The following ARHGEF3 variants were observed in gnomAD, a reference collection of about 807,000 sequenced individuals.
ARHGEF3 encodes the protein 59.8 kDA protein.
A neutral mutation model predicts 63.2 loss-of-function variants in ARHGEF3; 28 were observed. The ratio of observed to expected loss-of-function variants is 0.44; its 90% CI spans 0.33 to 0.61. The LOEUF is 0.61. Ranked by LOEUF, ARHGEF3 falls within the 20% of genes least tolerant of loss-of-function variation. ARHGEF3 has a pLI of 0.03. For missense variants in ARHGEF3, 533 were observed against 659.3 expected (o/e 0.81, Z 2.10); for synonymous variants, 266 against 254.2 (o/e 1.05, Z -0.44).
At chr3:56,769,207 T>G (rs1350750382) in intron 2 of ARHGEF3, among the ~76,000 whole-genome samples, 1 of 152,200 alleles carries the variant, frequency 6.6e-6, no homozygotes, top group Non-Finnish European at 1.5e-5. Context: ...TGTGCTGAAC[T>G]CAGCTCAAAT....
intron 4 of ARHGEF3, among the ~76,000 whole-genome samples, chr3:56,843,933 C>T (rs970598629): frequency 6.6e-6 from 1 of 152,146 alleles, no homozygotes; most frequent in African/African-American, 2.4e-5. Context: ...GACATAAAAT[C>T]AGGCAGAATT....
intron 1 of ARHGEF3, among the ~76,000 whole-genome samples, chr3:57,042,655 TA>T (rs1704237489): frequency 1.3e-3 from 10 of 7,580 alleles, no homozygotes; most frequent in African/African-American, 4.8e-3. Flanking sequence ...TACATAAATA[TA>T]TATATATATA....
rs547247942 is a variant in ARHGEF3 at position 56,949,586 on chromosome 3, C to T, written c.129+9237G>A. ...TCCAACTTACAAGGGACGTGAAGGA[C>T]CTCTTCAAGGAGAACCACAAACCAC... On this transcript the variant is annotated intron_variant, in intron 3 of 12. Transcript: ENST00000338458. 2.5e-3 allele frequency among the ~76,000 whole-genome samples: 378 copies of T among 152,032 alleles called. 6 individuals carry two copies. Among genetic ancestry groups the T allele is most frequent in the African/African-American group, 8.8e-3 (366 of 41,376 alleles).
At chr3:56,740,189 T>G (rs2033924345) in intron 7 of ARHGEF3, among the ~76,000 whole-genome samples, 1 of 145,942 alleles carries the variant, frequency 6.9e-6, no homozygotes, top group Non-Finnish European at 1.5e-5. Context: ...TGAGCCACCA[T>G]GCCTGGCCAA....
intron 9 of ARHGEF3, among the ~76,000 whole-genome samples, chr3:56,731,438 C>T (rs539385973): frequency 3.3e-5 from 5 of 151,674 alleles, no homozygotes; most frequent in Non-Finnish European, 5.9e-5. Context: ...GGTTGAGACA[C>T]GAGAATTGCT....
chr3:56,950,925 C>T (rs1176072868), intron 3 of ARHGEF3, among the ~76,000 whole-genome samples: 2 of 151,934 alleles, frequency 1.3e-5, no homozygotes, highest in Non-Finnish European at 2.9e-5. Context: ...GTGGCACATA[C>T]ACACCACGGA....
chr3:56,916,254 G>C (rs1047498912), intron 3 of ARHGEF3: 5 of 1,518,256 alleles, frequency 3.3e-6, no homozygotes. Context: ...ACCCCACCCG[G>C]CTCGGGTGGG....
At chr3:57,036,679 T>C (rs1399951602) in intron 1 of ARHGEF3, among the ~76,000 whole-genome samples, 1 of 152,222 alleles carries the variant, frequency 6.6e-6, no homozygotes, top group Non-Finnish European at 1.5e-5. Flanking sequence ...ACTGTAGAAC[T>C]GGCTGTGCAG....
At chr3:56,789,625 C>T (rs2036984340) in intron 1 of ARHGEF3, among the ~76,000 whole-genome samples, 1 of 152,214 alleles carries the variant, frequency 6.6e-6, no homozygotes, top group Admixed American at 6.5e-5. Context: ...GAAAGCCCCT[C>T]AGAACATGCC....
At chr3:56,888,817 C>T (rs185782404) in intron 3 of ARHGEF3, among the ~76,000 whole-genome samples, 1 of 152,066 alleles carries the variant, frequency 6.6e-6, no homozygotes, top group African/African-American at 2.4e-5. Flanking sequence ...GCAGGAGAAT[C>T]GCTTGAACCT....
intron 4 of ARHGEF3, among the ~76,000 whole-genome samples, chr3:56,876,562 T>C (rs2040590550): frequency 6.8e-6 from 1 of 146,094 alleles, no homozygotes; most frequent in South Asian, 2.2e-4. Context: ...AGAAGAGTGG[T>C]TGTAACAACA....
intron 7 of ARHGEF3, among the ~76,000 whole-genome samples, chr3:56,742,343 A>G (rs929691576): frequency 1.3e-5 from 2 of 152,244 alleles, no homozygotes; most frequent in African/African-American, 4.8e-5. Flanking sequence ...TCTTTTGAGA[A>G]AAATTTTTAT....
intron 2 of ARHGEF3, among the ~76,000 whole-genome samples, chr3:56,758,457 A>G (rs1453818176): frequency 2.6e-5 from 4 of 152,018 alleles, no homozygotes; most frequent in African/African-American, 4.8e-5. Context: ...ATAGATATAT[A>G]TGTAAGAATA....
chr3:56,766,165 G>A (rs2035693401), intron 2 of ARHGEF3, among the ~76,000 whole-genome samples: 1 of 152,054 alleles, frequency 6.6e-6, no homozygotes, highest in African/African-American at 2.4e-5. Flanking sequence ...ACAATCTCTA[G>A]AGCAGGACTA....
chr3:56,764,778 A>T (rs899601004), intron 2 of ARHGEF3, among the ~76,000 whole-genome samples: 8 of 144,524 alleles, frequency 5.5e-5, no homozygotes, highest in Non-Finnish European at 1.1e-4. Flanking sequence ...TTTTTTTGAG[A>T]CAGAGTTTCG....
At chr3:56,859,196 G>T (rs375711138) in intron 4 of ARHGEF3, among the ~76,000 whole-genome samples, 6 of 152,214 alleles carry the variant, frequency 3.9e-5, no homozygotes, top group African/African-American at 1.4e-4. Context: ...GGAGTGTAGC[G>T]GTGTGATCTC....
chr3:56,809,393 T>C (rs1578572311), intron 4 of ARHGEF3, among the ~76,000 whole-genome samples: 1 of 152,194 alleles, frequency 6.6e-6, no homozygotes, highest in Admixed American at 6.5e-5. Flanking sequence ...TGCCACTATA[T>C]TTGTTTTGGG....
intron 4 of ARHGEF3, among the ~76,000 whole-genome samples, chr3:56,852,435 A>G (rs1392346265): frequency 6.6e-6 from 1 of 152,152 alleles, no homozygotes; most frequent in Non-Finnish European, 1.5e-5. Context: ...GGACTGCTGG[A>G]CCTACCACAC....
At position 56,921,972 on chromosome 3, in the gene ARHGEF3, G is replaced by A. The variant is rs572904331; in HGVS notation, c.129+36851C>T. Among the ~76,000 whole-genome samples, 6 of 152,232 alleles carry A rather than the reference G, an allele frequency of 3.9e-5. No homozygotes were observed. In the East Asian group the frequency reaches 7.7e-4, roughly 20 times the overall value. On this transcript the variant is annotated intron_variant, in intron 3 of 12. Transcript: ENST00000338458. Reference sequence around the variant, plus strand: ...CTGGTTTTGTTACAAGCAATCGCCTGAGCTCTGTCTTTATTCTCTCTAAAC... The same window carrying A: ...CTGGTTTTGTTACAAGCAATCGCCTAAGCTCTGTCTTTATTCTCTCTAAAC...
Sources: allele counts gnomAD v4.1 joint callset (sites outside exome capture counted in the v4.1 genomes callset), GRCh38; gene constraint gnomAD v4.1.1; transcripts MANE v1.5; gene names NCBI Gene and HGNC (gene_info 2026-07-23, HGNC 2026-07-21).